CTNND2: variants seen among roughly 807,000 people sequenced by gnomAD.
The protein encoded by CTNND2 is catenin delta-2.
In CTNND2, 22 loss-of-function variants were observed where a neutral mutation model predicts 144.4. The observed-to-expected ratio is 0.15, with a 90% CI of 0.11 to 0.22. CTNND2 has a LOEUF of 0.22. Among genes scored for constraint, CTNND2 ranks in the 10% least tolerant of loss-of-function variants. The pLI, the probability that CTNND2 is intolerant of heterozygous loss-of-function variation, is 1.00. For synonymous variants in CTNND2, 751 were observed against 695.6 expected (o/e 1.08, Z -1.25); for missense variants, 1,353 against 1,618.8 (o/e 0.84, Z 2.82).
chr5:11,625,870 A>G (rs1236008022), intron 2 of CTNND2, among the ~76,000 whole-genome samples: 1 of 152,186 alleles, frequency 6.6e-6, no homozygotes, highest in Non-Finnish European at 1.5e-5. Context: ...CAGTATTACA[A>G]TTTGTAAATT....
rs749766849 is a variant in CTNND2 at position 11,384,758 on chromosome 5, T to A, written c.1084A>T (p.Thr362Ser). 1.2e-6 allele frequency: 2 copies of A among 1,612,956 alleles called. No individual in the cohort carries two copies. The highest frequency in any genetic ancestry group is 2.2e-5 in the South Asian group (2 of 90,870). Residue 362 changes from threonine (T) to serine (S), a missense_variant, in exon 7 of 22, where the codon ACC (threonine) becomes TCC (serine). Thr to Ser is a moderately conservative substitution (Grantham distance 58). Around this residue, in one of 4 missense-constraint regions of CTNND2, gnomAD observed 708 missense variants for 706.4 expected, o/e 1.00. Transcript: ENST00000304623. The surrounding 1 kb of genome is among the most constrained non-coding windows in gnomAD (Gnocchi z 5.2). ...TCGGACGCGTGGACCAGGCGCTTGG[T>A]GGGCGACAGGGTGGCGTACGTGCCG... ...TIGTYATLSP[T>S]KRLVHASEQY... is the part of the protein sequence containing the mutation.
In CTNND2 at chr5:11,682,767, TG is replaced by T. The variant is rs142757396; in HGVS notation, c.174+49368del. Among the ~76,000 whole-genome samples, 3 of 152,284 alleles carry T rather than the reference TG, an allele frequency of 2.0e-5. No individual in the cohort carries two copies. In the East Asian group the frequency reaches 5.8e-4, roughly 29 times the overall value. ...TAATACAAGGGTCCTTGCTCTTGGA[TG>T]GAAACACAATGCATAACCAAACCAA... On this transcript the variant is annotated intron_variant, in intron 2 of 21. Transcript: ENST00000304623.
chr5:10,988,104 C>A lies in CTNND2; in HGVS notation c.3343+7G>T. The A allele has an allele frequency of 6.2e-7, 1 of 1,613,942 alleles. No homozygotes were observed. On this transcript the variant is annotated splice_region_variant and intron_variant, in intron 20 of 21. Transcript: ENST00000304623. The surrounding 1 kb of genome is among the most constrained non-coding windows in gnomAD (Gnocchi z 5.9). ...GTTCCAGGAGGGGGCGCGCGAGGGG[C>A]GCTCACCTGTCATGGCATCTTTCCT...
chr5:11,047,488 A>G (rs942387135), intron 16 of CTNND2, among the ~76,000 whole-genome samples: 5 of 152,190 alleles, frequency 3.3e-5, no homozygotes, highest in Non-Finnish European at 5.9e-5. Flanking sequence ...GGATATGTGT[A>G]TATTTAGGGG....
intron 16 of CTNND2, among the ~76,000 whole-genome samples, chr5:11,059,366 G>A (rs1746682164): frequency 6.6e-6 from 1 of 152,162 alleles, no homozygotes; most frequent in African/African-American, 2.4e-5. Context: ...GGTTTTAAAA[G>A]GAGGAGCTCC....
At chr5:11,899,297 C>T (rs1737668425) in intron 1 of CTNND2, among the ~76,000 whole-genome samples, 2 of 152,118 alleles carry the variant, frequency 1.3e-5, no homozygotes, top group South Asian at 4.1e-4. Context: ...AGTCTTTGTA[C>T]AACATTAATC....
In CTNND2 at chr5:11,173,405, T is replaced by C. The variant is rs73742366; in HGVS notation, c.1976-13646A>G. Reference sequence around the variant, plus strand: ...CTGCTGACCACCCTCTAGATCAGTATACTAACCCTGTCGACTCCTCGGAAG... The same window carrying C: ...CTGCTGACCACCCTCTAGATCAGTACACTAACCCTGTCGACTCCTCGGAAG... On this transcript the variant is annotated intron_variant, in intron 11 of 21. Transcript: ENST00000304623. 3.4e-3 allele frequency among the ~76,000 whole-genome samples: 515 copies of C among 152,364 alleles called. 1 individual carries two copies. The highest frequency in any genetic ancestry group is 0.012 in the African/African-American group (503 of 41,588).
intron 3 of CTNND2, 46 bp downstream of exon 3, chr5:11,564,898 C>A: frequency 7.7e-7 from 1 of 1,299,870 alleles, no homozygotes. Flanking sequence ...GATTTACTTG[C>A]AGGGGCAACT....
rs61757080 is a variant in CTNND2, at chr5:11,079,955, A to G, written c.2788+2741T>C. On this transcript the variant is annotated intron_variant, in intron 16 of 21. Coordinates refer to ENST00000304623, the MANE Select transcript of CTNND2 (RefSeq NM_001332.4). ...ATTTGACTCCAAAAGCTCATGCAAC[A>G]AAATAAAAGATAGACAAATGGGATT... Among the ~76,000 whole-genome samples the G allele has an allele frequency of 7.2e-5, 11 of 152,354 alleles. No homozygotes were observed. In the East Asian group the frequency reaches 2.1e-3, roughly 29 times the overall value.
At chr5:11,561,884 A>G (rs1373124009) in intron 3 of CTNND2, among the ~76,000 whole-genome samples, 1 of 152,098 alleles carries the variant, frequency 6.6e-6, no homozygotes, top group African/African-American at 2.4e-5. Flanking sequence ...TCTACCTAAA[A>G]TATTTTTAAA....
At chr5:11,385,381 G>A in intron 6 of CTNND2, 152 bp from the exon 7 acceptor site, 1 of 356,598 alleles carries the variant, frequency 2.8e-6, no homozygotes, top group Non-Finnish European at 4.0e-6. Context: ...GGCAGTACGC[G>A]AACCTGCGCC....
intron 1 of CTNND2, among the ~76,000 whole-genome samples, chr5:11,833,966 T>C (rs1794042848): frequency 6.6e-6 from 1 of 152,154 alleles, no homozygotes; most frequent in South Asian, 2.1e-4. Context: ...TGAAACAAAA[T>C]TGAATTAAAA....
intron 3 of CTNND2, among the ~76,000 whole-genome samples, chr5:11,520,756 T>C (rs1219539512): frequency 6.6e-6 from 1 of 152,228 alleles, no homozygotes; most frequent in Non-Finnish European, 1.5e-5. Flanking sequence ...CCCAGCCAGA[T>C]GGGCAGCCCC....
At chr5:11,465,611 C>T (rs188848281) in intron 3 of CTNND2, among the ~76,000 whole-genome samples, 42 of 152,304 alleles carry the variant, frequency 2.8e-4, no homozygotes, top group African/African-American at 9.1e-4. Context: ...GTAATTATTT[C>T]AGCACCAGCT....
intron 2 of CTNND2, among the ~76,000 whole-genome samples, chr5:11,721,104 G>A (rs1223227479): frequency 6.6e-6 from 1 of 152,122 alleles, no homozygotes; most frequent in African/African-American, 2.4e-5. Flanking sequence ...GAAATGAGGT[G>A]TATCCATACA....
At chr5:11,535,708 G>C (rs962720861) in intron 3 of CTNND2, among the ~76,000 whole-genome samples, 3 of 152,150 alleles carry the variant, frequency 2.0e-5, no homozygotes, top group African/African-American at 7.2e-5. Context: ...AAAATGCACA[G>C]TGGGAAAATT....
At chr5:11,192,704 T>A (rs1311565282) in intron 11 of CTNND2, among the ~76,000 whole-genome samples, 1 of 152,126 alleles carries the variant, frequency 6.6e-6, no homozygotes, top group East Asian at 1.9e-4. Flanking sequence ...AAATGGACTG[T>A]CCCCTAGAGC....
At chr5:11,708,630 T>G (rs970729706) in intron 2 of CTNND2, among the ~76,000 whole-genome samples, 3 of 152,128 alleles carry the variant, frequency 2.0e-5, no homozygotes, top group Non-Finnish European at 2.9e-5. Context: ...CCTTCTGCAG[T>G]GTGGCTCAAG....
intron 11 of CTNND2, among the ~76,000 whole-genome samples, chr5:11,175,629 T>A (rs80039076): frequency 0.027 from 1,426 of 53,306 alleles, 15 homozygotes; most frequent in South Asian, 0.069. Context: ...TTCTTTCTTT[T>A]TTTATTTATT....
Sources: allele counts gnomAD v4.1 joint callset (sites outside exome capture counted in the v4.1 genomes callset), GRCh38; gene constraint gnomAD v4.1.1; regional missense constraint gnomAD v4.1.1; non-coding constraint Gnocchi (gnomAD v3.1); transcripts MANE v1.5; gene names NCBI Gene and HGNC (gene_info 2026-07-23, HGNC 2026-07-21).